HTT: variants seen among roughly 807,000 people sequenced by gnomAD.
The protein encoded by HTT is huntington disease protein.
HTT carries 104 observed loss-of-function variants against 362.3 expected under a neutral mutation model. The ratio of observed to expected loss-of-function variants is 0.29; its 90% CI spans 0.24 to 0.34. The LOEUF is 0.34. HTT is among the 10% of genes least tolerant of loss of function. The pLI, the probability that HTT is intolerant of heterozygous loss-of-function variation, is 1.00. For missense variants in HTT, 3,301 were observed against 3,928.6 expected, an observed-to-expected ratio of 0.84 and a Z score of 4.27; for synonymous variants, 1,577 against 1,548.7, an observed-to-expected ratio of 1.02 and a Z score of -0.43.
chr4:3,106,733 T>C (rs968630433), intron 5 of HTT, among the ~76,000 whole-genome samples: 5 of 151,984 alleles, frequency 3.3e-5, no homozygotes, highest in African/African-American at 1.2e-4. Context: ...CTTAGGGAGG[T>C]TTCCCCAGCC....
In HTT at chr4:3,215,093, T is replaced by C. The variant is rs1244505703; in HGVS notation, c.6953-17T>C. On this transcript the variant is annotated splice_polypyrimidine_tract_variant and intron_variant, in intron 50 of 66. Coordinates refer to ENST00000355072, the MANE Select transcript of HTT (RefSeq NM_001388492.1). ...AAGTGTGTAGAAATTCTTCTCTTTGTTCTGTTGTAATTTTAGTTGCAGTGC... is the reference window on the plus strand; with the variant it reads ...AAGTGTGTAGAAATTCTTCTCTTTGCTCTGTTGTAATTTTAGTTGCAGTGC... 6.3e-7 allele frequency: 1 copy of C among 1,586,786 alleles called. No homozygotes were observed. Among genetic ancestry groups the C allele is most frequent in the Non-Finnish European group, 8.6e-7 (1 of 1,156,200 alleles).
At chr4:3,123,073 G>A (rs1715365790) in intron 10 of HTT, 137 bp downstream of exon 10, 2 of 534,168 alleles carry the variant, frequency 3.7e-6, no homozygotes, top group South Asian at 5.3e-5. Context: ...GTGATTATAT[G>A]TGTGAATGTT....
intron 14 of HTT, among the ~76,000 whole-genome samples, chr4:3,130,966 G>A (rs1243456371): frequency 6.6e-6 from 1 of 152,008 alleles, no homozygotes; most frequent in Non-Finnish European, 1.5e-5. Flanking sequence ...TCCTGTAGAA[G>A]ACCTTTCATG....
At chr4:3,078,733 T>C (rs1712705543) in intron 1 of HTT, among the ~76,000 whole-genome samples, 1 of 148,178 alleles carries the variant, frequency 6.7e-6, no homozygotes, top group Non-Finnish European at 1.5e-5. Flanking sequence ...CATGCCTGGG[T>C]AATTTTTTTT....
At chr4:3,234,629 G>A (rs1424240167) in intron 61 of HTT, among the ~76,000 whole-genome samples, 1 of 152,256 alleles carries the variant, frequency 6.6e-6, no homozygotes, top group African/African-American at 2.4e-5. Flanking sequence ...TTGGGATGCA[G>A]AGAGCTTGTG....
chr4:3,186,838 C>G, intron 38 of HTT, 119 bp downstream of exon 38: 2 of 250,392 alleles, frequency 8.0e-6, no homozygotes, highest in Non-Finnish European at 1.4e-5. Context: ...TGAGAGTTTG[C>G]TTTTTTTTTT....
At chr4:3,168,881 G>A (rs1487505015) in intron 29 of HTT, among the ~76,000 whole-genome samples, 1 of 151,932 alleles carries the variant, frequency 6.6e-6, no homozygotes, top group African/African-American at 2.4e-5. Context: ...GTCTGTTTTG[G>A]GTGATTTGAT....
intron 40 of HTT, among the ~76,000 whole-genome samples, chr4:3,193,523 G>A (rs16844028): frequency 0.13 from 20,426 of 152,086 alleles, 1,710 homozygotes; most frequent in African/African-American, 0.24. Flanking sequence ...CTACATGTCC[G>A]AGCGATCTCT....
intron 1 of HTT, 77 bp from the exon 2 acceptor site, chr4:3,086,858 CTGAA>C: frequency 1.8e-5 from 13 of 739,262 alleles, no homozygotes; most frequent in South Asian, 3.2e-5. Context: ...GAAACACTCA[CTGAA>C]TGAATGAATG....
chr4:3,232,683 G>A (rs916608013), intron 60 of HTT, among the ~76,000 whole-genome samples: 3 of 152,234 alleles, frequency 2.0e-5, no homozygotes, highest in South Asian at 2.1e-4. Context: ...CCCATGGGGC[G>A]ATGTCCCGAG....
chr4:3,185,620 A>C (rs553582652), intron 37 of HTT, among the ~76,000 whole-genome samples: 2 of 152,326 alleles, frequency 1.3e-5, no homozygotes, highest in African/African-American at 4.8e-5. Flanking sequence ...TTGCATGATT[A>C]AAAATGTTCT....
At position 3,130,431 on chromosome 4, in the gene HTT, A is replaced by G. The variant is rs1044416439; in HGVS notation, c.1986+8A>G. On this transcript the variant is annotated splice_region_variant and intron_variant, in intron 14 of 66. Transcript: ENST00000355072. ...GGTGATCAAGAAAACAAGGTGAGGG[A>G]CATAGGCTTGAGACGACTTGGTGTT... 1 of 1,493,708 alleles carries G rather than the reference A, an allele frequency of 6.7e-7. No homozygotes were observed. Among genetic ancestry groups the G allele is most frequent in the Non-Finnish European group, 9.3e-7 (1 of 1,081,044 alleles). The allele number at this position is 1,493,708 out of a possible 1,614,324, so 92.5% of individuals were successfully genotyped here. A position where few individuals can be genotyped will look rare whatever the true frequency, so the allele number is the denominator to read the frequency against.
chr4:3,214,628 A>T (rs1578595596), intron 50 of HTT, among the ~76,000 whole-genome samples: 1 of 152,232 alleles, frequency 6.6e-6, no homozygotes, highest in South Asian at 2.1e-4. Flanking sequence ...AAAAAATTGG[A>T]CGTCATAGTT....
chr4:3,075,928 G>T (rs1391575339), intron 1 of HTT, among the ~76,000 whole-genome samples: 1 of 152,134 alleles, frequency 6.6e-6, no homozygotes, highest in African/African-American at 2.4e-5. Flanking sequence ...AGAGTTGATT[G>T]AAGTTTTTTG....
intron 63 of HTT, 66 bp downstream of exon 63, chr4:3,235,844 C>T (rs1721501194): frequency 7.9e-7 from 1 of 1,265,246 alleles, no homozygotes; most frequent in Non-Finnish European, 1.1e-6. Flanking sequence ...GGAGCATGCT[C>T]ACTCAAGGGA....
At chr4:3,217,348 G>A (rs1720459539) in intron 51 of HTT, among the ~76,000 whole-genome samples, 1 of 152,222 alleles carries the variant, frequency 6.6e-6, no homozygotes, top group Non-Finnish European at 1.5e-5. Context: ...AGTGAAGCAA[G>A]GATGACAACA....
intron 9 of HTT, among the ~76,000 whole-genome samples, chr4:3,121,973 C>T (rs748810342): frequency 1.8e-4 from 27 of 152,234 alleles, no homozygotes; most frequent in Non-Finnish European, 3.5e-4. Context: ...CCTTGGCTGC[C>T]TCCTGTGGCA....
chr4:3,193,983 C>T (rs536440993), intron 40 of HTT, among the ~76,000 whole-genome samples: 34 of 152,190 alleles, frequency 2.2e-4, no homozygotes, highest in African/African-American at 7.7e-4. Flanking sequence ...TTTCCTTTGA[C>T]TGCATTTATT....
At chr4:3,149,645 ACT>A (rs1716783119) in intron 26 of HTT, among the ~76,000 whole-genome samples, 1 of 151,668 alleles carries the variant, frequency 6.6e-6, no homozygotes, top group Admixed American at 6.6e-5. Flanking sequence ...ATATCTGATT[ACT>A]CTCTCTTTGC....
Sources: allele counts gnomAD v4.1 joint callset (sites outside exome capture counted in the v4.1 genomes callset), GRCh38; gene constraint gnomAD v4.1.1; transcripts MANE v1.5; gene names NCBI Gene and HGNC (gene_info 2026-07-23, HGNC 2026-07-21).